PRKCH: variants seen among roughly 807,000 people sequenced by gnomAD.
The protein encoded by PRKCH is protein kinase C eta, also known as protein kinase C eta type.
In PRKCH, 28 loss-of-function variants were observed where a neutral mutation model predicts 82.5. That is an observed-to-expected ratio of 0.34 (90% CI 0.25 to 0.47). The LOEUF is 0.47. Among genes scored for constraint, PRKCH ranks in the 20% least tolerant of loss-of-function variants. The probability of loss-of-function intolerance (pLI) is 1.00; values close to 1 mark genes in which losing one functional copy is unlikely to be tolerated. For missense variants in PRKCH, 705 were observed against 881.8 expected (o/e 0.80, Z 2.54); for synonymous variants, 322 against 327.4 (o/e 0.98, Z 0.18).
chr14:61,514,931 A>C (rs1203926287), intron 10 of PRKCH, among the ~76,000 whole-genome samples: 2 of 152,236 alleles, frequency 1.3e-5, no homozygotes, highest in African/African-American at 2.4e-5. Context: ...TGGCATTGAT[A>C]TAAATTCTTA....
intron 2 of PRKCH, among the ~76,000 whole-genome samples, chr14:61,436,594 G>C (rs566665290): frequency 6.6e-6 from 1 of 152,248 alleles, no homozygotes; most frequent in South Asian, 2.1e-4. Flanking sequence ...GTATAATGGC[G>C]TGATCTCAGC....
chr14:61,222,588 A>G (rs535799632), intron 1 of PRKCH, among the ~76,000 whole-genome samples: 33 of 152,346 alleles, frequency 2.2e-4, no homozygotes, highest in African/African-American at 7.7e-4. Context: ...TCAGACATGA[A>G]CAACTCCATG....
chr14:61,218,174 A>G (rs1566784325), intron 1 of PRKCH, among the ~76,000 whole-genome samples: 1 of 152,206 alleles, frequency 6.6e-6, no homozygotes, highest in Non-Finnish European at 1.5e-5. Context: ...TCTCCAAAAA[A>G]AGCAAAACTT....
intron 1 of PRKCH, among the ~76,000 whole-genome samples, chr14:61,283,037 A>G (rs1261007879): frequency 6.8e-6 from 1 of 146,324 alleles, no homozygotes; most frequent in African/African-American, 2.5e-5. Context: ...ACTTTTGTAG[A>G]TTTTTTTTTT....
chr14:61,478,543 TATAA>T (rs1474795950), intron 9 of PRKCH, among the ~76,000 whole-genome samples: 1 of 152,208 alleles, frequency 6.6e-6, no homozygotes, highest in Non-Finnish European at 1.5e-5. Context: ...ATCCCAGATT[TATAA>T]ATAAATAAGG....
chr14:61,400,451 T>TG (rs1206927918), intron 2 of PRKCH, among the ~76,000 whole-genome samples: 2 of 152,206 alleles, frequency 1.3e-5, no homozygotes, highest in East Asian at 3.8e-4. Context: ...TGTTTTTTGC[T>TG]GGTCTAAGCA....
intron 1 of PRKCH, among the ~76,000 whole-genome samples, chr14:61,367,876 G>A (rs964051478): frequency 2.6e-5 from 4 of 151,832 alleles, no homozygotes; most frequent in South Asian, 2.1e-4. Flanking sequence ...CACCACGCCC[G>A]GCTAATTTTT....
chr14:61,339,589 C>T (rs148157545), intron 1 of PRKCH, among the ~76,000 whole-genome samples: 1,799 of 135,234 alleles, frequency 0.013, 33 homozygotes, highest in African/African-American at 0.045. Flanking sequence ...TCCCAAAGTG[C>T]TGGGATTACA....
At chr14:61,323,203 TC>T (rs1169132596) in intron 1 of PRKCH, among the ~76,000 whole-genome samples, 1 of 152,154 alleles carries the variant, frequency 6.6e-6, no homozygotes, top group Non-Finnish European at 1.5e-5. Context: ...CAGCCTGTGT[TC>T]CTGGGTATTG....
intron 10 of PRKCH, among the ~76,000 whole-genome samples, chr14:61,495,736 C>T (rs564542181): frequency 1.3e-5 from 2 of 152,084 alleles, no homozygotes; most frequent in African/African-American, 4.8e-5. Context: ...TGGAAAAATA[C>T]AGGAAATAAA....
intron 2 of PRKCH, among the ~76,000 whole-genome samples, chr14:61,420,422 A>G (rs1015623115): frequency 6.6e-6 from 1 of 152,174 alleles, no homozygotes; most frequent in African/African-American, 2.4e-5. Context: ...AACAAGAACA[A>G]TACCACTATG....
intron 2 of PRKCH, among the ~76,000 whole-genome samples, chr14:61,412,708 C>T (rs1882333367): frequency 6.6e-6 from 1 of 152,198 alleles, no homozygotes. Context: ...AAGCATTCTT[C>T]TTGTGTTGGT....
chr14:61,360,628 A>G (rs970026866), intron 1 of PRKCH, among the ~76,000 whole-genome samples: 1 of 152,254 alleles, frequency 6.6e-6, no homozygotes, highest in Non-Finnish European at 1.5e-5. Context: ...AATGATTTGT[A>G]TCGTTGGATA....
At chr14:61,299,100 T>A (rs1161175874) in intron 1 of PRKCH, among the ~76,000 whole-genome samples, 1 of 152,116 alleles carries the variant, frequency 6.6e-6, no homozygotes, top group Non-Finnish European at 1.5e-5. Flanking sequence ...AAAGATCACA[T>A]AATGTAGGGT....
chr14:61,213,322 T>C (rs1004789653), intron 1 of PRKCH, among the ~76,000 whole-genome samples: 3 of 152,210 alleles, frequency 2.0e-5, no homozygotes, highest in African/African-American at 7.2e-5. Context: ...AATCACATTG[T>C]GACATTTGTC....
intron 1 of PRKCH, among the ~76,000 whole-genome samples, chr14:61,222,763 G>A (rs181488101): frequency 6.6e-6 from 1 of 152,322 alleles, no homozygotes; most frequent in East Asian, 1.9e-4. Context: ...AATAAACTCT[G>A]CATGGACAAA....
At chr14:61,529,879 C>T (rs2043021876) in intron 11 of PRKCH, among the ~76,000 whole-genome samples, 1 of 141,440 alleles carries the variant, frequency 7.1e-6, no homozygotes, top group Non-Finnish European at 1.5e-5. Context: ...ACAATGTGCG[C>T]ATGTACCCTA....
chr14:61,312,504 C>T (rs1030683607), intron 1 of PRKCH, among the ~76,000 whole-genome samples: 1 of 152,198 alleles, frequency 6.6e-6, no homozygotes, highest in African/African-American at 2.4e-5. Flanking sequence ...AAGTGAAGCT[C>T]TCCATATTGG....
At chr14:61,546,450 C>T (rs375560746) in intron 12 of PRKCH, among the ~76,000 whole-genome samples, 20 of 152,180 alleles carry the variant, frequency 1.3e-4, no homozygotes, top group Non-Finnish European at 2.9e-5. Flanking sequence ...CCCTTTGAAG[C>T]TTTTTTGAAA....
Sources: gnomAD v4.1 joint callset for allele counts (sites outside exome capture counted in the v4.1 genomes callset) on GRCh38, gnomAD v4.1.1 for gene constraint, MANE v1.5 for transcripts, NCBI Gene and HGNC (gene_info 2026-07-23, HGNC 2026-07-21) for gene names.